NEDD4L: variants seen among roughly 807,000 people sequenced by gnomAD.
The protein encoded by NEDD4L is E3 ubiquitin-protein ligase NEDD4-like.
In NEDD4L, 54 loss-of-function variants were observed where a neutral mutation model predicts 148.9. The ratio of observed to expected loss-of-function variants is 0.36; its 90% CI spans 0.29 to 0.45. The LOEUF (loss-of-function observed/expected upper bound fraction) is 0.45, where lower values mean the gene tolerates loss of function less well. NEDD4L is among the 20% of genes least tolerant of loss of function. The pLI, the probability that NEDD4L is intolerant of heterozygous loss-of-function variation, is 1.00. For synonymous variants in NEDD4L, 433 were observed against 440.7 expected (o/e 0.98, Z 0.22); for missense variants, 856 against 1,233.8 (o/e 0.69, Z 4.59).
Position 58,153,711 on chromosome 18 carries a change from A to G in NEDD4L, c.49-12077A>G, listed in dbSNP as rs548357495. Among the ~76,000 whole-genome samples, 42 of 151,930 alleles carry G rather than the reference A, an allele frequency of 2.8e-4. 1 individual carries two copies. Among genetic ancestry groups the G allele is most frequent in the South Asian group, 1.5e-3 (7 of 4,800 alleles). On this transcript the variant is annotated intron_variant, in intron 1 of 30. Transcript: ENST00000400345. Reference sequence around the variant, plus strand: ...CCCCAGGCTGGAGTGCCGTGGCGCAATCTCGGCTCACTGCAAGCTCTGCCT... The same window carrying G: ...CCCCAGGCTGGAGTGCCGTGGCGCAGTCTCGGCTCACTGCAAGCTCTGCCT...
intron 2 of NEDD4L, among the ~76,000 whole-genome samples, chr18:58,219,018 C>T (rs1428596359): frequency 2.6e-5 from 4 of 152,332 alleles, no homozygotes; most frequent in Admixed American, 6.5e-5. Flanking sequence ...ATTTTCTCCT[C>T]TAGACAAAAG....
chr18:58,151,623 A>ATGTG (rs1491376739), intron 1 of NEDD4L, among the ~76,000 whole-genome samples: 78 of 56,660 alleles, frequency 1.4e-3, no homozygotes, highest in African/African-American at 4.8e-3. Flanking sequence ...CTGTGCCTGG[A>ATGTG]TATGTGTGTG....
chr18:58,123,855 CCCCTTGCCACTCTCAAGG>C (rs1452347414), intron 1 of NEDD4L, among the ~76,000 whole-genome samples: 2 of 152,190 alleles, frequency 1.3e-5, no homozygotes, highest in African/African-American at 4.8e-5. Context: ...CTCACTCAGG[CCCCTTGCCACTCTCAAGG>C]CATCTTCTTC....
Position 58,257,287 on chromosome 18 carries a change from G to C in NEDD4L, c.297+5233G>C, listed in dbSNP as rs117241025. 7.8e-3 allele frequency among the ~76,000 whole-genome samples: 1,192 copies of C among 152,198 alleles called. 14 individuals are homozygous for C. The highest frequency in any genetic ancestry group is 0.023 in the East Asian group (119 of 5,182). On this transcript the variant is annotated intron_variant, in intron 5 of 30. Coordinates refer to ENST00000400345, the MANE Select transcript of NEDD4L (RefSeq NM_001144967.3). ...AAAGTTTAGTGGAATTTGATTATCT[G>C]TCATGGCCTGTTTGCTGCAGGAGGT...
intron 2 of NEDD4L, among the ~76,000 whole-genome samples, chr18:58,243,691 G>A (rs2046915053): frequency 6.6e-6 from 1 of 152,152 alleles, no homozygotes; most frequent in African/African-American, 2.4e-5. Context: ...CTAGGTGCCG[G>A]CTCTTGATCC....
At chr18:58,111,051 C>T (rs189226441) in intron 1 of NEDD4L, among the ~76,000 whole-genome samples, 1 of 152,172 alleles carries the variant, frequency 6.6e-6, no homozygotes, top group Non-Finnish European at 1.5e-5. Flanking sequence ...GTGCAACCAT[C>T]ATTATGATGT....
chr18:58,262,657 A>G (rs2049596775), intron 5 of NEDD4L, among the ~76,000 whole-genome samples: 1 of 151,714 alleles, frequency 6.6e-6, no homozygotes, highest in Non-Finnish European at 1.5e-5. Flanking sequence ...AGGAAAAGAA[A>G]TAATCTTCTC....
At chr18:58,114,767 G>A (rs2085673943) in intron 1 of NEDD4L, among the ~76,000 whole-genome samples, 1 of 152,206 alleles carries the variant, frequency 6.6e-6, no homozygotes, top group African/African-American at 2.4e-5. Flanking sequence ...GGATCCCCTT[G>A]CCTTTCCCAG....
At chr18:58,285,380 G>A (rs1428763027) in intron 5 of NEDD4L, among the ~76,000 whole-genome samples, 1 of 152,068 alleles carries the variant, frequency 6.6e-6, no homozygotes, top group Non-Finnish European at 1.5e-5. Flanking sequence ...CCAGGCTGGA[G>A]TGCAGTGGTG....
chr18:58,350,841 A>G (rs891081981), intron 17 of NEDD4L, 150 bp from the exon 18 acceptor site: 11 of 573,620 alleles, frequency 1.9e-5, no homozygotes, highest in Non-Finnish European at 3.1e-5. Context: ...TTAACTTGAA[A>G]TGTTCATATT....
rs1340323335 is a variant in NEDD4L at position 58,335,521 on chromosome 18, G to A, written c.1109G>A (p.Gly370Asp). 5.6e-6 allele frequency: 9 copies of A among 1,613,306 alleles called. No individual in the cohort carries two copies. ...AGRARSSTVT[G>D]GEEPTPSVAY... ...AGAGCGCGTTCATCAACTGTCACGG[G>A]TGGTGAGGAACCAACGGTAATGATC... Residue 370 changes from glycine (G) to aspartate (D), a missense_variant, in exon 13 of 31, where the codon GGT (glycine) becomes GAT (aspartate). By Grantham distance (94) the Gly-to-Asp change is moderately conservative. Coordinates refer to ENST00000400345, the MANE Select transcript of NEDD4L (RefSeq NM_001144967.3).
chr18:58,106,208 C>T (rs502450), intron 1 of NEDD4L, among the ~76,000 whole-genome samples: 10,773 of 152,290 alleles, frequency 0.071, 489 homozygotes, highest in African/African-American at 0.12. Flanking sequence ...AATCAACTGT[C>T]AGGCTGGGAG....
At chr18:58,171,855 G>A (rs1473560834) in intron 2 of NEDD4L, among the ~76,000 whole-genome samples, 1 of 152,234 alleles carries the variant, frequency 6.6e-6, no homozygotes, top group Non-Finnish European at 1.5e-5. Context: ...GAGAGAAGAG[G>A]TTAAGGGAAG....
chr18:58,381,485 A>G (rs2048325486), intron 24 of NEDD4L, among the ~76,000 whole-genome samples: 1 of 152,222 alleles, frequency 6.6e-6, no homozygotes, highest in Admixed American at 6.5e-5. Context: ...GAAGGAGTGT[A>G]TTACAGGGAT....
intron 23 of NEDD4L, among the ~76,000 whole-genome samples, chr18:58,371,376 T>C (rs563689438): frequency 6.6e-6 from 1 of 152,126 alleles, no homozygotes; most frequent in South Asian, 2.1e-4. Flanking sequence ...AAACAAAAAT[T>C]GATGTTCTTT....
At position 58,276,199 on chromosome 18, in the gene NEDD4L, T is replaced by TTG. The variant is rs201796775; in HGVS notation, c.297+24146_297+24147insGT. On this transcript the variant is annotated intron_variant, in intron 5 of 30. Transcript: ENST00000400345. ...TAATGTGCATTTTCTTTTTCGTTTT[T>TTG]TTTTTTTTTTTTTGGGTGGGGAGGG... Among the ~76,000 whole-genome samples, 19 of 59,436 alleles carry TTG rather than the reference T, an allele frequency of 3.2e-4. 1 individual carries two copies. The highest frequency in any genetic ancestry group is 1.3e-3 in the East Asian group (3 of 2,266). 39.0% of individuals were successfully genotyped at this position (59,436 alleles called of 152,430 possible). A position where few individuals can be genotyped will look rare whatever the true frequency, so the allele number is the denominator to read the frequency against.
chr18:58,075,613 C>A (rs2083115760), intron 1 of NEDD4L, among the ~76,000 whole-genome samples: 1 of 152,138 alleles, frequency 6.6e-6, no homozygotes, highest in Non-Finnish European at 1.5e-5. Flanking sequence ...CTGCATCTAG[C>A]TGGGAAGTAC....
chr18:58,380,445 A>C (rs966706807), intron 24 of NEDD4L, among the ~76,000 whole-genome samples: 20 of 151,948 alleles, frequency 1.3e-4, no homozygotes, highest in Non-Finnish European at 2.5e-4. Flanking sequence ...AAGCCTCCTG[A>C]GTAGCTGGGA....
intron 1 of NEDD4L, among the ~76,000 whole-genome samples, chr18:58,053,134 A>G (rs190295229): frequency 1.2e-4 from 18 of 152,280 alleles, no homozygotes; most frequent in East Asian, 3.9e-4. Flanking sequence ...CAGTGGACCA[A>G]TGGTTTCCCA....
Sources: gnomAD v4.1 joint callset for allele counts (sites outside exome capture counted in the v4.1 genomes callset) on GRCh38, gnomAD v4.1.1 for gene constraint, MANE v1.5 for transcripts, NCBI Gene and HGNC (gene_info 2026-07-23, HGNC 2026-07-21) for gene names.